The following SPOCK2 variants were observed in gnomAD, a reference collection of about 807,000 sequenced individuals.
SPOCK2 encodes testican-2.
In SPOCK2, 39 loss-of-function variants were observed where a neutral mutation model predicts 60.1. That is an observed-to-expected ratio of 0.65 (90% CI 0.50 to 0.85). SPOCK2 has a LOEUF of 0.85. Ranked by LOEUF, SPOCK2 falls within the 40% of genes least tolerant of loss-of-function variation. The pLI is 0.00. For synonymous variants in SPOCK2, 217 were observed against 231.5 expected (o/e 0.94, Z 0.57); for missense variants, 523 against 567.4 (o/e 0.92, Z 0.80).
Position 72,068,215 on chromosome 10 carries a change from A to C in SPOCK2, c.561T>G (p.Ala187=). ...EGPCPCPTEQ[A]ATSTADGKPE... ...GTTTGCCATCGGCGGTGGAGGTGGC[A>C]GCCTGCTCCGTGGGGCAGGGGCAGG... The change falls in exon 6 of 11, where the codon GCT becomes GCG. Residue 187 remains alanine (A), a synonymous_variant. Transcript: ENST00000373109. The C allele has an allele frequency of 6.2e-7, 1 of 1,608,280 alleles. No homozygotes were observed.
intron 1 of SPOCK2, among the ~76,000 whole-genome samples, chr10:72,074,755 C>T (rs1391858923): frequency 2.0e-5 from 3 of 152,126 alleles, no homozygotes; most frequent in African/African-American, 7.2e-5. Context: ...CCCGTGAGAG[C>T]CCACGGCGGC....
chr10:72,068,247 C>G lies in SPOCK2; in HGVS notation c.529G>C (p.Glu177Gln). The G allele has an allele frequency of 1.2e-6, 2 of 1,611,868 alleles. No homozygotes were observed. Among genetic ancestry groups the G allele is most frequent in the South Asian group, 1.1e-5 (1 of 90,678 alleles). ...TCCGTGGGGCAGGGGCAGGGGCCCTCGCATCGCACCGCCAGCTGCTTGCTG... is the reference window on the plus strand; with the variant it reads ...TCCGTGGGGCAGGGGCAGGGGCCCTGGCATCGCACCGCCAGCTGCTTGCTG... ...LSSKQLAVRCEGPCPCPTEQA... is the reference protein window; with the variant it reads ...LSSKQLAVRCQGPCPCPTEQA... Residue 177 changes from glutamate to glutamine, a missense_variant, in exon 6 of 11, where the codon GAG becomes CAG. Transcript: ENST00000373109.
intron 8 of SPOCK2, among the ~76,000 whole-genome samples, chr10:72,065,933 C>T (rs7898911): frequency 2.6e-5 from 4 of 152,132 alleles, no homozygotes; most frequent in African/African-American, 7.2e-5. Context: ...GGTCACTTGC[C>T]GGGGGTCCCT....
intron 6 of SPOCK2, 109 bp from the exon 7 acceptor site, chr10:72,067,841 A>C: frequency 6.7e-7 from 1 of 1,484,744 alleles, no homozygotes; most frequent in Admixed American, 2.1e-5. Context: ...GGGGTCCGGG[A>C]GGCAGCAGCA....
rs1299102949 is a variant in SPOCK2 at position 72,062,746 on chromosome 10, G to A, written c.*14C>T. ...GCTGTTGAGTCCCCCCCGGCAGCCGGCTCCTGAGGGCGTCTACCAGATGTA... is the reference window on the plus strand; with the variant it reads ...GCTGTTGAGTCCCCCCCGGCAGCCGACTCCTGAGGGCGTCTACCAGATGTA... On this transcript the variant is annotated 3_prime_UTR_variant, in exon 11 of 11. Transcript: ENST00000373109. This position sits in a 1 kb window ranked among gnomAD's most constrained non-coding sequence, Gnocchi z 4.3. 1.3e-6 allele frequency: 2 copies of A among 1,592,186 alleles called. No homozygotes were observed. The highest frequency in any genetic ancestry group is 2.2e-5 in the East Asian group (1 of 44,758).
In SPOCK2 at chr10:72,061,260, G is replaced by C. The variant is rs1484702014; in HGVS notation, c.*1500C>G. On this transcript the variant is annotated 3_prime_UTR_variant, in exon 11 of 11. Transcript: ENST00000373109. ...CTCACACTGCTCAGGGGATGTTGGG[G>C]AACAGCGAGGTGTGAGGTGTGGCCT... The C allele has an allele frequency of 6.6e-6, 1 of 152,344 alleles. No homozygotes were observed. Among genetic ancestry groups the C allele is most frequent in the Non-Finnish European group, 1.5e-5 (1 of 68,126 alleles). The allele number at this position is 152,344 out of a possible 1,614,324, so 9.4% of individuals were successfully genotyped here.
Position 72,062,862 on chromosome 10 carries a change from G to T in SPOCK2, c.1173C>A (p.Gly391=). 6.2e-7 allele frequency: 1 copy of T among 1,602,830 alleles called. No homozygotes were observed. The change falls in exon 11 of 11, where the codon GGC becomes GGA. Residue 391 remains glycine (G), a synonymous_variant. Transcript: ENST00000373109. The surrounding 1 kb of genome is among the most constrained non-coding windows in gnomAD (Gnocchi z 4.3). ...TCTCCTTCTCCTCCTCATCCTCCCAGCCGACACCGCTTCCAAAGTCCCCCG... is the reference window on the plus strand; with the variant it reads ...TCTCCTTCTCCTCCTCATCCTCCCATCCGACACCGCTTCCAAAGTCCCCCG... ...GFSGDFGSGV[G]WEDEEEKETE...
chr10:72,071,704 G>T (rs1840649051), intron 4 of SPOCK2, among the ~76,000 whole-genome samples: 1 of 152,172 alleles, frequency 6.6e-6, no homozygotes, highest in African/African-American at 2.4e-5. Flanking sequence ...TTTGGTAATT[G>T]TTCTCATATG....
Position 72,088,270 on chromosome 10 carries a change from G to T in SPOCK2, c.59C>A (p.Ala20Asp). 1 of 1,605,846 alleles carries T rather than the reference G, an allele frequency of 6.2e-7. No homozygotes were observed. ...VLPLLLLAAA[A>D]LAEGDAKGLK... is the part of the protein sequence containing the mutation. ...CCCCTTGGCGTCGCCTTCGGCCAGG[G>T]CTGCCGCGGCCAGGAGCAGCAGCGG... Residue 20 changes from alanine to aspartate, a missense_variant, in exon 1 of 11, where the codon GCC becomes GAC. Physicochemically the swap from Ala to Asp is moderately radical, Grantham distance 126. Transcript: ENST00000373109.
At chr10:72,088,666 G>C (rs1447172710), upstream of SPOCK2, 3 of 215,024 alleles carry the variant, frequency 1.4e-5, no homozygotes, top group African/African-American at 6.9e-5. Flanking sequence ...AAAGCGAAGC[G>C]CTCCCTCGAT....
chr10:72,070,109 G>A (rs1211618568), intron 5 of SPOCK2: 13 of 551,798 alleles, frequency 2.4e-5, no homozygotes, highest in Non-Finnish European at 3.2e-5. Context: ...GACAGACAGG[G>A]TCTGGCTCCA....
chr10:72,066,803 T>C, intron 8 of SPOCK2, 99 bp downstream of exon 8: 1 of 1,386,312 alleles, frequency 7.2e-7, no homozygotes, highest in Admixed American at 1.8e-5. Flanking sequence ...CCTGGGGACG[T>C]AGCCAAGAAA....
At chr10:72,082,446 T>C (rs1440322454) in intron 1 of SPOCK2, among the ~76,000 whole-genome samples, 1 of 152,106 alleles carries the variant, frequency 6.6e-6, no homozygotes, top group Admixed American at 6.5e-5. Flanking sequence ...CCCAGACCCA[T>C]ATGCTGAAAT....
rs1840879527 is a variant in SPOCK2, at chr10:72,087,651, A to G, written c.189+489T>C. 6.6e-6 allele frequency among the ~76,000 whole-genome samples: 1 copy of G among 152,158 alleles called. No homozygotes were observed. The highest frequency in any genetic ancestry group is 2.4e-5 in the African/African-American group (1 of 41,438). The stretch of plus-strand genomic sequence containing the variant: ...CTCCCGCAAAGCCCACGGTGGGAAC[A>G]GAGGGCACCGCGCGAGCCGATGCCA... On this transcript the variant is annotated intron_variant, in intron 1 of 10. Coordinates refer to ENST00000373109, the MANE Select transcript of SPOCK2 (RefSeq NM_001244950.2). This position sits in a 1 kb window ranked among gnomAD's most constrained non-coding sequence, Gnocchi z 4.7.
intron 3 of SPOCK2, 66 bp downstream of exon 3, chr10:72,072,437 C>A: frequency 1.2e-6 from 2 of 1,608,374 alleles, no homozygotes; most frequent in East Asian, 2.2e-5. Flanking sequence ...GGGCTAAGGG[C>A]TTGCCCTCTG....
chr10:72,077,745 C>T (rs1462663668), intron 1 of SPOCK2, among the ~76,000 whole-genome samples: 1 of 152,208 alleles, frequency 6.6e-6, no homozygotes, highest in Non-Finnish European at 1.5e-5. Context: ...CTGGGAGAAC[C>T]CAGGCTCCTG....
intron 5 of SPOCK2, chr10:72,068,616 C>G (rs979889412): frequency 5.7e-6 from 2 of 349,558 alleles, no homozygotes; most frequent in East Asian, 5.8e-5. Flanking sequence ...TCCCCTGCCC[C>G]TGTCGCCCTT....
chr10:72,064,719 T>A (rs1408909877), intron 8 of SPOCK2, among the ~76,000 whole-genome samples: 1 of 152,142 alleles, frequency 6.6e-6, no homozygotes. Flanking sequence ...GTTATGTTTA[T>A]TTTTTTATTT....
intron 1 of SPOCK2, among the ~76,000 whole-genome samples, chr10:72,076,009 A>G (rs551624803): frequency 1.3e-5 from 2 of 152,320 alleles, no homozygotes; most frequent in South Asian, 2.1e-4. Flanking sequence ...GAAGCACTTA[A>G]CAAATCAAAG....
Sources: gnomAD v4.1 joint callset for allele counts (sites outside exome capture counted in the v4.1 genomes callset) on GRCh38, gnomAD v4.1.1 for gene constraint, Gnocchi (gnomAD v3.1) non-coding constraint, MANE v1.5 for transcripts, NCBI Gene and HGNC (gene_info 2026-07-23, HGNC 2026-07-21) for gene names.